Variants in LRRC4C observed in about 807,000 individuals in gnomAD.
LRRC4C encodes the protein leucine rich repeat containing 4C.
Under a neutral mutation model 33.6 loss-of-function variants are expected in LRRC4C, and 5 were observed. The observed-to-expected ratio is 0.15, with a 90% CI of 0.08 to 0.31. The LOEUF is 0.31. Among genes scored for constraint, LRRC4C ranks in the 10% least tolerant of loss-of-function variants. The probability of loss-of-function intolerance (pLI) is 1.00; values close to 1 mark genes in which losing one functional copy is unlikely to be tolerated. For missense variants in LRRC4C, 560 were observed against 796.7 expected (o/e 0.70, Z 3.58); for synonymous variants, 329 against 302.0 (o/e 1.09, Z -0.93).
intron 1 of LRRC4C, among the ~76,000 whole-genome samples, chr11:41,231,999 C>A (rs1474940174): frequency 6.6e-6 from 1 of 151,536 alleles, no homozygotes; most frequent in Non-Finnish European, 1.5e-5. Flanking sequence ...TCATAGGGTT[C>A]TATACCACCA....
intron 3 of LRRC4C, among the ~76,000 whole-genome samples, chr11:40,560,082 A>G (rs1256260843): frequency 6.6e-6 from 1 of 152,142 alleles, no homozygotes; most frequent in Admixed American, 6.5e-5. Flanking sequence ...TCTAAAACCT[A>G]TGGCCTGCCT....
At chr11:40,392,905 G>A (rs147318340) in intron 3 of LRRC4C, among the ~76,000 whole-genome samples, 1 of 152,006 alleles carries the variant, frequency 6.6e-6, no homozygotes, top group Admixed American at 6.6e-5. Flanking sequence ...ATTTCTTGGT[G>A]GGATAAAGAA....
At chr11:41,004,784 G>GA (rs141112196) in intron 1 of LRRC4C, among the ~76,000 whole-genome samples, 14,894 of 149,270 alleles carry the variant, frequency 0.1, 1,043 homozygotes, top group Middle Eastern at 0.2. Context: ...CTGTGTCACA[G>GA]AAAAAAAAAA....
chr11:40,206,819 A>G (rs1404943009), intron 5 of LRRC4C, among the ~76,000 whole-genome samples: 1 of 152,078 alleles, frequency 6.6e-6, no homozygotes, highest in Admixed American at 6.6e-5. Flanking sequence ...TTTGCATTTC[A>G]CTAGCTCTCT....
At chr11:41,040,404 T>C (rs1409450077) in intron 1 of LRRC4C, among the ~76,000 whole-genome samples, 1 of 152,168 alleles carries the variant, frequency 6.6e-6, no homozygotes, top group African/African-American at 2.4e-5. Flanking sequence ...TCCTGAGGTC[T>C]TTCAAGTGTA....
chr11:41,424,838 T>C (rs1439118659), intron 1 of LRRC4C, among the ~76,000 whole-genome samples: 5 of 152,070 alleles, frequency 3.3e-5, no homozygotes, highest in Non-Finnish European at 5.9e-5. Flanking sequence ...TATAGATACT[T>C]CTGAAGTATT....
chr11:41,439,470 G>T (rs752546029), intron 1 of LRRC4C, among the ~76,000 whole-genome samples: 7 of 152,108 alleles, frequency 4.6e-5, no homozygotes, highest in African/African-American at 7.2e-5. Flanking sequence ...CACAGAGGTT[G>T]TACTAATTTA....
chr11:40,197,171 C>T (rs1287560127), intron 5 of LRRC4C, among the ~76,000 whole-genome samples: 1 of 152,106 alleles, frequency 6.6e-6, no homozygotes, highest in Non-Finnish European at 1.5e-5. Context: ...GAAAAATTAA[C>T]GTTGTGTATG....
intron 2 of LRRC4C, among the ~76,000 whole-genome samples, chr11:40,910,200 A>T (rs2136258001): frequency 6.6e-6 from 1 of 152,312 alleles, no homozygotes; most frequent in East Asian, 1.9e-4. Flanking sequence ...CGTATTGTGT[A>T]CCTTCTCTGA....
rs1278826603 is a variant in LRRC4C at position 40,885,888 on chromosome 11, G to A, written c.-407+47747C>T. Among the ~76,000 whole-genome samples the A allele has an allele frequency of 3.3e-5, 5 of 152,068 alleles. No homozygotes were observed. The East Asian group carries it at 5.8e-4, about 18-fold the overall frequency. On this transcript the variant is annotated intron_variant, in intron 2 of 6. Coordinates refer to ENST00000528697, the MANE Select transcript of LRRC4C (RefSeq NM_001258419.2). ...CCTGAAATTCCCTAAGGGCCTCAAT[G>A]CTCTAAGGATCCCCTTATATTTTGG... is the stretch of plus-strand genomic sequence containing the variant.
chr11:40,370,755 C>T (rs981172441), intron 3 of LRRC4C, among the ~76,000 whole-genome samples: 3 of 151,982 alleles, frequency 2.0e-5, no homozygotes, highest in Non-Finnish European at 4.4e-5. Flanking sequence ...AAGAAAGCAA[C>T]GAAGCTATGT....
intron 3 of LRRC4C, among the ~76,000 whole-genome samples, chr11:40,362,426 A>C (rs1038010272): frequency 1.3e-5 from 2 of 152,178 alleles, no homozygotes; most frequent in African/African-American, 4.8e-5. Flanking sequence ...AGAAAAAAAA[A>C]CATTAAATAA....
intron 1 of LRRC4C, among the ~76,000 whole-genome samples, chr11:41,248,770 G>C (rs191505536): frequency 6.6e-6 from 1 of 152,066 alleles, no homozygotes; most frequent in East Asian, 1.9e-4. Flanking sequence ...AACTGTAATT[G>C]AAAGTTAATA....
rs1362275610 is a variant in LRRC4C, at chr11:40,586,027, A to G, written c.-270+62115T>C. Among the ~76,000 whole-genome samples, 2 of 134,424 alleles carry G rather than the reference A, an allele frequency of 1.5e-5. 1 individual carries two copies. Among genetic ancestry groups the G allele is most frequent in the Non-Finnish European group, 3.2e-5 (2 of 61,900 alleles). 88.2% of individuals were successfully genotyped at this position (134,424 alleles called of 152,430 possible). ...TGGCTCAAATGGTATTTCTAGTTCT[A>G]GATCCTTGAGGAATCGCCACAACTG... On this transcript the variant is annotated intron_variant, in intron 3 of 6. Coordinates refer to ENST00000528697, the MANE Select transcript of LRRC4C (RefSeq NM_001258419.2).
At chr11:40,297,657 A>T (rs186054253) in intron 4 of LRRC4C, among the ~76,000 whole-genome samples, 46 of 151,742 alleles carry the variant, frequency 3.0e-4, no homozygotes, top group Non-Finnish European at 5.3e-4. Context: ...CATCCCATAT[A>T]GTCTTATTTT....
intron 3 of LRRC4C, among the ~76,000 whole-genome samples, chr11:40,607,208 G>T (rs78805974): frequency 0.015 from 2,309 of 152,240 alleles, 62 homozygotes; most frequent in African/African-American, 0.053. Context: ...AAATGCTAAA[G>T]AATGTTCTTT....
chr11:40,768,977 C>A (rs1949616640), intron 2 of LRRC4C, among the ~76,000 whole-genome samples: 1 of 151,908 alleles, frequency 6.6e-6, no homozygotes, highest in South Asian at 2.1e-4. Context: ...CTATTAGTCC[C>A]AGCTAGTGTT....
At chr11:41,298,730 A>T (rs535456187) in intron 1 of LRRC4C, among the ~76,000 whole-genome samples, 1 of 152,154 alleles carries the variant, frequency 6.6e-6, no homozygotes, top group Non-Finnish European at 1.5e-5. Context: ...GGCTTTTTGT[A>T]TGACTATTAC....
chr11:40,697,391 G>A (rs1403564160), intron 2 of LRRC4C, among the ~76,000 whole-genome samples: 1 of 152,096 alleles, frequency 6.6e-6, no homozygotes, highest in African/African-American at 2.4e-5. Context: ...AAAAAATTAT[G>A]TAGATGCTAG....
Sources: allele counts gnomAD v4.1 joint callset (sites outside exome capture counted in the v4.1 genomes callset), GRCh38; gene constraint gnomAD v4.1.1; transcripts MANE v1.5; gene names NCBI Gene and HGNC (gene_info 2026-07-23, HGNC 2026-07-21).